CABCOCO1: variants seen among roughly 807,000 people sequenced by gnomAD.
CABCOCO1 encodes ciliary-associated calcium-binding coiled-coil protein 1.
CABCOCO1 carries 28 observed loss-of-function variants against 35.7 expected under a neutral mutation model. The ratio of observed to expected loss-of-function variants is 0.78; its 90% CI spans 0.58 to 1.07. The LOEUF (loss-of-function observed/expected upper bound fraction) is 1.07. Among genes scored for constraint, CABCOCO1 ranks in the 50% least tolerant of loss-of-function variants. The pLI is 0.00. For synonymous variants in CABCOCO1, 95 were observed against 100.1 expected, an observed-to-expected ratio of 0.95 and a Z score of 0.30; for missense variants, 326 against 309.2, an observed-to-expected ratio of 1.05 and a Z score of -0.41.
At chr10:61,687,877 T>C (rs1256797337) in intron 4 of CABCOCO1, among the ~76,000 whole-genome samples, 1 of 152,162 alleles carries the variant, frequency 6.6e-6, no homozygotes, top group African/African-American at 2.4e-5. Flanking sequence ...AATTTAAATA[T>C]CCCTATTACA....
At chr10:61,764,273 G>A (rs1040766064) in intron 7 of CABCOCO1, among the ~76,000 whole-genome samples, 9 of 152,014 alleles carry the variant, frequency 5.9e-5, no homozygotes, top group African/African-American at 2.2e-4. Flanking sequence ...TGAAATTGTG[G>A]TAAAATTATT....
intron 5 of CABCOCO1, among the ~76,000 whole-genome samples, chr10:61,702,915 G>GA (rs545433701): frequency 7.7e-4 from 103 of 133,772 alleles, no homozygotes; most frequent in Middle Eastern, 3.9e-3. Context: ...GTGAAGAGGA[G>GA]AAAAAAAAAA....
chr10:61,705,144 C>T (rs1840563456), intron 5 of CABCOCO1, among the ~76,000 whole-genome samples: 1 of 152,152 alleles, frequency 6.6e-6, no homozygotes, highest in South Asian at 2.1e-4. Flanking sequence ...GTGAGCAAGA[C>T]TTGCTACTGA....
intron 5 of CABCOCO1, among the ~76,000 whole-genome samples, chr10:61,749,263 G>T (rs967897261): frequency 6.6e-6 from 1 of 152,140 alleles, no homozygotes; most frequent in Non-Finnish European, 1.5e-5. Context: ...TTGGTCACAC[G>T]ACCATCCTCA....
At chr10:61,734,811 A>C (rs1841379855) in intron 5 of CABCOCO1, among the ~76,000 whole-genome samples, 1 of 152,136 alleles carries the variant, frequency 6.6e-6, no homozygotes. Context: ...GTGTTAGATA[A>C]AATTTTAAAA....
At chr10:61,755,449 T>G (rs1346258208) in intron 5 of CABCOCO1, among the ~76,000 whole-genome samples, 1 of 152,132 alleles carries the variant, frequency 6.6e-6, no homozygotes, top group African/African-American at 2.4e-5. Flanking sequence ...CAATCAAGTT[T>G]ACTTCTTGAA....
At chr10:61,742,511 ATAGACCAGACT>A (rs2132069567) in intron 5 of CABCOCO1, among the ~76,000 whole-genome samples, 1 of 152,330 alleles carries the variant, frequency 6.6e-6, no homozygotes, top group South Asian at 2.1e-4. Flanking sequence ...TTGGAATGAG[ATAGACCAGACT>A]TAGCACCTTA....
chr10:61,672,672 C>A lies in CABCOCO1; in HGVS notation c.101C>A (p.Pro34Gln), dbSNP rs901858865. ...EFQEHEKILS[P>Q]DFLSVAQITD... ...CAGGAGCATGAAAAGATTCTGTCTCCGGATTTTCTTTCAGTTGCCCAAATC... is the reference window on the plus strand; with the variant it reads ...CAGGAGCATGAAAAGATTCTGTCTCAGGATTTTCTTTCAGTTGCCCAAATC... Residue 34 changes from proline (P) to glutamine (Q), a missense_variant, in exon 2 of 8, where the codon CCG (proline) becomes CAG (glutamine). Coordinates refer to ENST00000648843, the MANE Select transcript of CABCOCO1 (RefSeq NM_001366906.2). 1.0e-6 allele frequency: 1 copy of A among 983,644 alleles called. No individual in the cohort carries two copies. Among genetic ancestry groups the A allele is most frequent in the Admixed American group, 6.2e-5 (1 of 16,252 alleles). The allele number at this position is 983,644 out of a possible 1,614,324, so 60.9% of individuals were successfully genotyped here.
At chr10:61,687,168 T>C (rs1839989891) in intron 4 of CABCOCO1, among the ~76,000 whole-genome samples, 1 of 152,250 alleles carries the variant, frequency 6.6e-6, no homozygotes, top group Admixed American at 6.5e-5. Flanking sequence ...TAATGTCATA[T>C]GATATACTAT....
At chr10:61,734,673 G>C (rs1841376751) in intron 5 of CABCOCO1, among the ~76,000 whole-genome samples, 1 of 152,032 alleles carries the variant, frequency 6.6e-6, no homozygotes, top group Non-Finnish European at 1.5e-5. Context: ...GTTTTTCAAA[G>C]TTTAAATGTC....
At chr10:61,705,712 T>A (rs1166966153) in intron 5 of CABCOCO1, among the ~76,000 whole-genome samples, 1 of 152,188 alleles carries the variant, frequency 6.6e-6, no homozygotes, top group African/African-American at 2.4e-5. Flanking sequence ...GCATAACATG[T>A]TAACTAGGCA....
intron 1 of CABCOCO1, among the ~76,000 whole-genome samples, chr10:61,664,658 A>T (rs1839109945): frequency 6.6e-6 from 1 of 152,224 alleles, no homozygotes; most frequent in Non-Finnish European, 1.5e-5. Flanking sequence ...CTTAATTAGC[A>T]GTGTTCATTT....
chr10:61,692,902 T>G (rs1840191469), intron 5 of CABCOCO1, among the ~76,000 whole-genome samples: 1 of 152,150 alleles, frequency 6.6e-6, no homozygotes, highest in Non-Finnish European at 1.5e-5. Context: ...TAATCCTATC[T>G]CATCTATTCA....
intron 5 of CABCOCO1, among the ~76,000 whole-genome samples, chr10:61,759,009 T>C (rs190682477): frequency 6.6e-6 from 1 of 151,810 alleles, no homozygotes. Context: ...TTTCATTGGG[T>C]TTTTTTTCAG....
intron 6 of CABCOCO1, among the ~76,000 whole-genome samples, chr10:61,760,580 C>T (rs61850528): frequency 0.08 from 12,124 of 151,988 alleles, 624 homozygotes; most frequent in South Asian, 0.13. Flanking sequence ...GGGAGGAGAA[C>T]AACACACATC....
intron 4 of CABCOCO1, among the ~76,000 whole-genome samples, chr10:61,688,963 C>T (rs761259087): frequency 2.0e-5 from 3 of 152,146 alleles, no homozygotes; most frequent in Non-Finnish European, 2.9e-5. Flanking sequence ...CTTTGACCAC[C>T]GCATACAAAT....
Position 61,683,790 on chromosome 10 carries a change from T to G in CABCOCO1, c.335-2251T>G, listed in dbSNP as rs989353234. On this transcript the variant is annotated intron_variant, in intron 3 of 7. Transcript: ENST00000648843. ...TGTGATTTTTAAAAAAGCAAATATTTCAGTTAGATAAATGAAATTATTACT... is the reference window on the plus strand; with the variant it reads ...TGTGATTTTTAAAAAAGCAAATATTGCAGTTAGATAAATGAAATTATTACT... Among the ~76,000 whole-genome samples the G allele has an allele frequency of 3.9e-5, 6 of 152,322 alleles. No individual in the cohort carries two copies. The South Asian group carries it at 1.2e-3, about 32-fold the overall frequency.
chr10:61,736,457 G>T (rs1841418196), intron 5 of CABCOCO1, among the ~76,000 whole-genome samples: 2 of 152,066 alleles, frequency 1.3e-5, no homozygotes, highest in African/African-American at 2.4e-5. Context: ...TCATAGATGT[G>T]CAGCCTTATT....
intron 5 of CABCOCO1, among the ~76,000 whole-genome samples, chr10:61,730,229 A>C (rs1192264141): frequency 1.3e-5 from 2 of 152,080 alleles, no homozygotes; most frequent in African/African-American, 4.8e-5. Flanking sequence ...GGAAAGGAAA[A>C]AATTAGATGG....
Sources: gnomAD v4.1 joint callset for allele counts (sites outside exome capture counted in the v4.1 genomes callset) on GRCh38, gnomAD v4.1.1 for gene constraint, MANE v1.5 for transcripts, NCBI Gene and HGNC (gene_info 2026-07-23, HGNC 2026-07-21) for gene names.